PRUNE2: variants seen among roughly 807,000 people sequenced by gnomAD.
The protein encoded by PRUNE2 is prune homolog 2 with BCH domain.
A neutral mutation model predicts 252.0 loss-of-function variants in PRUNE2; 164 were observed. That is an observed-to-expected ratio of 0.65 (90% confidence interval 0.57 to 0.74). The LOEUF is 0.74. PRUNE2 is among the 30% of genes least tolerant of loss of function. The pLI is 0.00. For synonymous variants in PRUNE2, 1,292 were observed against 1,350.2 expected (o/e 0.96, Z 0.94); for missense variants, 3,495 against 3,711.0 (o/e 0.94, Z 1.51).
chr9:76,786,187 G>A (rs1482192987), intron 6 of PRUNE2: 1 of 152,004 alleles, frequency 6.6e-6, no homozygotes, highest in African/African-American at 2.4e-5. Flanking sequence ...AGACAGCTCA[G>A]GTGCTTTCAC....
intron 16 of PRUNE2, among the ~76,000 whole-genome samples, chr9:76,627,298 G>GT (rs1564362465): frequency 3.1e-5 from 4 of 128,930 alleles, no homozygotes; most frequent in Non-Finnish European, 3.4e-5. Flanking sequence ...AGATGGGGTG[G>GT]CGGGGGGCTC....
At chr9:76,829,912 T>C (rs1406331007) in intron 4 of PRUNE2, among the ~76,000 whole-genome samples, 2 of 151,868 alleles carry the variant, frequency 1.3e-5, no homozygotes, top group East Asian at 1.9e-4. Flanking sequence ...ACAAAGGAAA[T>C]AGAAGAAATG....
chr9:76,724,183 G>A (rs1489340519), intron 6 of PRUNE2, among the ~76,000 whole-genome samples: 1 of 150,098 alleles, frequency 6.7e-6, no homozygotes, highest in African/African-American at 2.4e-5. Flanking sequence ...ATCAGGCTGG[G>A]TGCGGTGGCT....
intron 6 of PRUNE2, among the ~76,000 whole-genome samples, chr9:76,744,697 A>G (rs1399239940): frequency 6.6e-6 from 1 of 151,954 alleles, no homozygotes; most frequent in Non-Finnish European, 1.5e-5. Context: ...TCCGACTCCT[A>G]CCCCTACTCT....
intron 9 of PRUNE2, 148 bp from the exon 10 acceptor site, chr9:76,655,650 C>T: frequency 1.6e-6 from 1 of 618,956 alleles, no homozygotes; most frequent in Middle Eastern, 2.6e-4. Context: ...TAAGTGGTCC[C>T]AAATTAAAGA....
intron 1 of PRUNE2, among the ~76,000 whole-genome samples, chr9:76,904,664 A>G (rs2063376531): frequency 6.6e-6 from 1 of 152,262 alleles, no homozygotes; most frequent in Admixed American, 6.5e-5. Context: ...AAGGGTCAAT[A>G]AACACAGAGA....
In PRUNE2 at chr9:76,711,104, A is replaced by G; in HGVS notation, c.1170T>C (p.Gly390=). 1.2e-6 allele frequency: 2 copies of G among 1,613,966 alleles called. No homozygotes were observed. The highest frequency in any genetic ancestry group is 1.7e-6 in the Non-Finnish European group (2 of 1,179,860). The part of the protein sequence containing the change: ...QGSSGIMELY[G]SDIEPQPSSV... ...AGCTGGGTTGTGGCTCTATGTCAGAACCATACAATTCCATAATCCCAGAAG... is the reference window on the plus strand; with the variant it reads ...AGCTGGGTTGTGGCTCTATGTCAGAGCCATACAATTCCATAATCCCAGAAG... Residue 390 remains glycine, a synonymous_variant, in exon 8 of 19, where the codon GGT becomes GGC. Coordinates refer to ENST00000376718, the MANE Select transcript of PRUNE2 (RefSeq NM_015225.3).
intron 6 of PRUNE2, among the ~76,000 whole-genome samples, chr9:76,722,714 T>C (rs1200255483): frequency 2.0e-5 from 3 of 152,186 alleles, no homozygotes; most frequent in African/African-American, 2.4e-5. Flanking sequence ...CCCTGTGAGA[T>C]AGGTAACATG....
intron 10 of PRUNE2, among the ~76,000 whole-genome samples, 199 bp from the exon 11 acceptor site, chr9:76,652,882 TTCCAAAATCTGAAAAAA>T (rs1474004116): frequency 1.3e-5 from 2 of 152,156 alleles, no homozygotes; most frequent in Admixed American, 6.5e-5. Context: ...AATCCAAATA[TTCCAAAATCTGAAAAAA>T]TCCAAAATCT....
intron 6 of PRUNE2, among the ~76,000 whole-genome samples, chr9:76,743,550 C>T (rs1348859003): frequency 6.6e-6 from 1 of 151,644 alleles, no homozygotes; most frequent in Non-Finnish European, 1.5e-5. Context: ...AATGACCGTC[C>T]CTCTTGGGGG....
intron 9 of PRUNE2, among the ~76,000 whole-genome samples, chr9:76,688,386 T>C (rs959288949): frequency 3.3e-5 from 5 of 152,210 alleles, no homozygotes; most frequent in African/African-American, 9.6e-5. Flanking sequence ...CTTGTTCCAT[T>C]GAGGAGAGAG....
intron 6 of PRUNE2, among the ~76,000 whole-genome samples, chr9:76,718,359 T>C (rs1332494569): frequency 6.6e-6 from 1 of 152,196 alleles, no homozygotes; most frequent in African/African-American, 2.4e-5. Context: ...TCACCTTCTG[T>C]TGTCTTCTCA....
At chr9:76,738,050 C>T (rs533347912) in intron 6 of PRUNE2, 10 of 152,236 alleles carry the variant, frequency 6.6e-5, no homozygotes, top group Admixed American at 1.3e-4. Context: ...ATACCTACAG[C>T]TGTGTTTTAA....
chr9:76,731,227 T>A (rs7855225), intron 6 of PRUNE2, among the ~76,000 whole-genome samples: 95,641 of 150,476 alleles, frequency 0.64, 31,058 homozygotes, highest in East Asian at 0.83. Context: ...TGGGGGAAAA[T>A]CAAGTTTAAC....
At chr9:76,744,060 GTTGAGAGTTAA>G (rs2049889673) in intron 6 of PRUNE2, among the ~76,000 whole-genome samples, 1 of 152,166 alleles carries the variant, frequency 6.6e-6, no homozygotes, top group Non-Finnish European at 1.5e-5. Flanking sequence ...AACACTAGTG[GTTGAGAGTTAA>G]CTGAGGCGCC....
chr9:76,704,203 A>G (rs2046127061), intron 8 of PRUNE2, 104 bp from the exon 9 acceptor site: 2 of 483,986 alleles, frequency 4.1e-6, no homozygotes, highest in Admixed American at 7.1e-5. Flanking sequence ...GTAATTTAAT[A>G]TTTTTTATAT....
chr9:76,807,051 T>TGTGTGTGCGC (rs60768420), intron 6 of PRUNE2, among the ~76,000 whole-genome samples: 2,843 of 139,358 alleles, frequency 0.02, 32 homozygotes, highest in South Asian at 0.045. Context: ...TGTGTGTGTG[T>TGTGTGTGCGC]GCGCGCGCGC....
intron 6 of PRUNE2, among the ~76,000 whole-genome samples, chr9:76,719,674 G>T (rs907048355): frequency 6.6e-6 from 1 of 151,660 alleles, no homozygotes; most frequent in Non-Finnish European, 1.5e-5. Flanking sequence ...CAGAGTTGGG[G>T]TCTTACTCTG....
At chr9:76,740,960 C>CA (rs1432558510) in intron 6 of PRUNE2, among the ~76,000 whole-genome samples, 4 of 152,134 alleles carry the variant, frequency 2.6e-5, no homozygotes, top group Non-Finnish European at 4.4e-5. Flanking sequence ...TTGAACCCCA[C>CA]ATCAAATGAA....
Sources: allele counts gnomAD v4.1 joint callset (sites outside exome capture counted in the v4.1 genomes callset), GRCh38; gene constraint gnomAD v4.1.1; transcripts MANE v1.5; gene names NCBI Gene and HGNC (gene_info 2026-07-23, HGNC 2026-07-21).